Variants in STK32B observed in about 807,000 individuals in gnomAD.
The protein encoded by STK32B is serine/threonine-protein kinase 32B.
STK32B carries 43 observed loss-of-function variants against 52.6 expected under a neutral mutation model. The observed-to-expected ratio is 0.82, with a 90% CI of 0.64 to 1.05. The LOEUF (loss-of-function observed/expected upper bound fraction) is 1.05, where lower values mean the gene tolerates loss of function less well. STK32B is among the 50% of genes least tolerant of loss of function. The pLI is 0.00. For missense variants in STK32B, 621 were observed against 534.6 expected, an observed-to-expected ratio of 1.16 and a Z score of -1.59; for synonymous variants, 238 against 204.3, an observed-to-expected ratio of 1.17 and a Z score of -1.41.
chr4:5,099,094 T>C (rs2108790980), intron 1 of STK32B, among the ~76,000 whole-genome samples: 1 of 152,182 alleles, frequency 6.6e-6, no homozygotes, highest in African/African-American at 2.4e-5. Flanking sequence ...TATTCATTGG[T>C]TTTTCCAGTT....
At chr4:5,168,180 C>A in intron 2 of STK32B, 119 bp from the exon 3 acceptor site, 2 of 1,339,512 alleles carry the variant, frequency 1.5e-6, no homozygotes, top group South Asian at 1.5e-5. Flanking sequence ...GCTCCCCTAG[C>A]AGATTTCAAG....
intron 3 of STK32B, among the ~76,000 whole-genome samples, chr4:5,277,944 G>A (rs1727941014): frequency 1.3e-5 from 2 of 152,300 alleles, no homozygotes; most frequent in African/African-American, 4.8e-5. Context: ...AAATGAGTGA[G>A]TGACCTAGAA....
intron 3 of STK32B, among the ~76,000 whole-genome samples, chr4:5,316,956 T>C (rs1730945890): frequency 3.5e-5 from 1 of 28,490 alleles, no homozygotes; most frequent in Non-Finnish European, 4.6e-5. Context: ...ATATGTATGA[T>C]ATAATATATA....
intron 1 of STK32B, among the ~76,000 whole-genome samples, chr4:5,117,153 C>T (rs888363900): frequency 5.9e-5 from 9 of 152,250 alleles, no homozygotes; most frequent in Admixed American, 2.0e-4. Context: ...CTAATTGCTC[C>T]GGCTGGGACC....
intron 4 of STK32B, among the ~76,000 whole-genome samples, chr4:5,391,103 C>A (rs1178398454): frequency 6.6e-6 from 1 of 151,756 alleles, no homozygotes; most frequent in Non-Finnish European, 1.5e-5. Context: ...GGACTACAGG[C>A]ACCCGCCACC....
At chr4:5,260,916 G>A (rs1726669322) in intron 3 of STK32B, among the ~76,000 whole-genome samples, 1 of 152,172 alleles carries the variant, frequency 6.6e-6, no homozygotes, top group Non-Finnish European at 1.5e-5. Flanking sequence ...GGACCCCAGG[G>A]TGGTCTGAAG....
intron 3 of STK32B, among the ~76,000 whole-genome samples, chr4:5,288,396 GTGTTATTGT>G (rs1728682087): frequency 6.6e-6 from 1 of 152,148 alleles, no homozygotes; most frequent in Non-Finnish European, 1.5e-5. Flanking sequence ...ATGTGCACCT[GTGTTATTGT>G]CCATCTTTTT....
chr4:5,436,780 G>A (rs1714120133), intron 6 of STK32B: 3 of 630,628 alleles, frequency 4.8e-6, no homozygotes, highest in Non-Finnish European at 4.0e-6. Flanking sequence ...GACCTCAGGG[G>A]TACTACTGGG....
chr4:5,173,831 A>G (rs1719594147), intron 3 of STK32B, among the ~76,000 whole-genome samples: 1 of 152,210 alleles, frequency 6.6e-6, no homozygotes, highest in South Asian at 2.1e-4. Context: ...TCCTTGGTGC[A>G]GTGCTGAGTT....
intron 1 of STK32B, among the ~76,000 whole-genome samples, chr4:5,102,443 TC>T (rs1405789589): frequency 6.2e-5 from 3 of 48,394 alleles, no homozygotes; most frequent in East Asian, 2.5e-3. Flanking sequence ...CTTGCTTCCT[TC>T]CTTCCTTCCT....
chr4:5,180,082 A>C (rs1377432545), intron 3 of STK32B, among the ~76,000 whole-genome samples: 1 of 152,210 alleles, frequency 6.6e-6, no homozygotes, highest in African/African-American at 2.4e-5. Flanking sequence ...TTTCCAGAAG[A>C]AAACAAGTAG....
intron 5 of STK32B, among the ~76,000 whole-genome samples, chr4:5,405,203 A>C (rs1339043248): frequency 1.4e-5 from 2 of 142,994 alleles, no homozygotes; most frequent in African/African-American, 5.2e-5. Flanking sequence ...CACGGGACCC[A>C]GATAGAGGCA....
chr4:5,182,372 T>C (rs958681328), intron 3 of STK32B, among the ~76,000 whole-genome samples: 9 of 152,214 alleles, frequency 5.9e-5, no homozygotes, highest in Non-Finnish European at 1.0e-4. Context: ...GCAAATTCTT[T>C]CCAGAAGATT....
intron 7 of STK32B, among the ~76,000 whole-genome samples, chr4:5,450,984 T>C (rs1403625510): frequency 6.6e-6 from 1 of 152,190 alleles, no homozygotes; most frequent in Non-Finnish European, 1.5e-5. Flanking sequence ...TTCTTGGTGT[T>C]GTGATTTGGG....
At chr4:5,474,430 C>T (rs1303032253) in intron 11 of STK32B, among the ~76,000 whole-genome samples, 1 of 152,332 alleles carries the variant, frequency 6.6e-6, no homozygotes, top group African/African-American at 2.4e-5. Context: ...TTGACTTTAC[C>T]AAGGTCTGTG....
At chr4:5,382,774 A>G (rs1472726857) in intron 4 of STK32B, among the ~76,000 whole-genome samples, 1 of 152,140 alleles carries the variant, frequency 6.6e-6, no homozygotes, top group African/African-American at 2.4e-5. Flanking sequence ...GCCTGGACTC[A>G]TTCTTTTTTA....
chr4:5,211,037 C>A (rs754635223), intron 3 of STK32B, among the ~76,000 whole-genome samples: 2 of 152,154 alleles, frequency 1.3e-5, no homozygotes, highest in South Asian at 2.1e-4. Flanking sequence ...TCAAATGATC[C>A]TCCCACTTTA....
intron 4 of STK32B, among the ~76,000 whole-genome samples, chr4:5,376,302 A>G (rs1735579495): frequency 6.6e-6 from 1 of 152,168 alleles, no homozygotes; most frequent in Non-Finnish European, 1.5e-5. Flanking sequence ...TGGGGGACTC[A>G]TTCATCGCCA....
chr4:5,253,656 T>C lies in STK32B; in HGVS notation c.261-77564T>C, dbSNP rs186968385. ...CTCCAAAGTGCTGGGATTACAGGCG[T>C]GAGACACTGCACCCAGCCTGCAGAG... is the stretch of plus-strand genomic sequence containing the variant. On this transcript the variant is annotated intron_variant, in intron 3 of 11. Transcript: ENST00000282908. 5.3e-3 allele frequency among the ~76,000 whole-genome samples: 811 copies of C among 152,116 alleles called. 9 individuals are homozygous for C. The highest frequency in any genetic ancestry group is 0.019 in the African/African-American group (773 of 41,478).
Sources: gnomAD v4.1 joint callset for allele counts (sites outside exome capture counted in the v4.1 genomes callset) on GRCh38, gnomAD v4.1.1 for gene constraint, MANE v1.5 for transcripts, NCBI Gene and HGNC (gene_info 2026-07-23, HGNC 2026-07-21) for gene names.